The following ENOX1 variants were observed in gnomAD, a reference collection of about 807,000 sequenced individuals.
ENOX1 encodes ecto-NOX disulfide-thiol exchanger 1.
ENOX1 carries 42 observed loss-of-function variants against 82.5 expected under a neutral mutation model. The observed-to-expected ratio is 0.51, with a 90% confidence interval of 0.40 to 0.66. The LOEUF (loss-of-function observed/expected upper bound fraction) is 0.66. ENOX1 is among the 30% of genes least tolerant of loss of function. The pLI, the probability that ENOX1 is intolerant of heterozygous loss-of-function variation, is 0.00. For missense variants in ENOX1, 608 were observed against 811.6 expected (o/e 0.75, Z 3.05); for synonymous variants, 271 against 282.2 (o/e 0.96, Z 0.40).
intron 1 of ENOX1, among the ~76,000 whole-genome samples, chr13:43,769,191 A>G (rs1333414321): frequency 6.6e-6 from 1 of 152,172 alleles, no homozygotes; most frequent in Non-Finnish European, 1.5e-5. Context: ...TGACATATGC[A>G]ACTGTGCCTG....
At chr13:43,315,180 A>T (rs1054971599) in intron 11 of ENOX1, among the ~76,000 whole-genome samples, 1 of 152,192 alleles carries the variant, frequency 6.6e-6, no homozygotes, top group Admixed American at 6.5e-5. Context: ...TTTCTTCTTT[A>T]TTCATTATTC....
At chr13:43,696,501 C>T (rs958759048) in intron 1 of ENOX1, among the ~76,000 whole-genome samples, 1 of 152,166 alleles carries the variant, frequency 6.6e-6, no homozygotes, top group Non-Finnish European at 1.5e-5. Flanking sequence ...ATATTTTACA[C>T]ATAGTGGACA....
chr13:43,480,759 T>C (rs562945666), intron 3 of ENOX1, among the ~76,000 whole-genome samples: 49 of 152,058 alleles, frequency 3.2e-4, no homozygotes, highest in African/African-American at 1.0e-3. Flanking sequence ...ATGAAACAGA[T>C]ACATTTCTAG....
At chr13:43,450,187 A>G (rs2056884194) in intron 3 of ENOX1, among the ~76,000 whole-genome samples, 2 of 152,200 alleles carry the variant, frequency 1.3e-5, no homozygotes, top group South Asian at 2.1e-4. Context: ...GAGGTGGCTT[A>G]GTATCCTCAT....
intron 1 of ENOX1, among the ~76,000 whole-genome samples, chr13:43,742,173 A>G (rs1481499629): frequency 6.6e-6 from 1 of 152,132 alleles, no homozygotes; most frequent in Non-Finnish European, 1.5e-5. Flanking sequence ...AGGAACCAAT[A>G]GATATATAGA....
intron 1 of ENOX1, among the ~76,000 whole-genome samples, chr13:43,730,256 CCT>C (rs1446189158): frequency 6.6e-6 from 1 of 152,176 alleles, no homozygotes; most frequent in Non-Finnish European, 1.5e-5. Flanking sequence ...CTAGGGCTGA[CCT>C]CACACCAGAG....
intron 2 of ENOX1, among the ~76,000 whole-genome samples, chr13:43,595,156 C>CT (rs2081407020): frequency 6.7e-6 from 1 of 148,906 alleles, no homozygotes; most frequent in African/African-American, 2.5e-5. Context: ...TCAGAAGGAG[C>CT]TTAATGTACC....
At chr13:43,696,101 T>C (rs2086628173) in intron 1 of ENOX1, among the ~76,000 whole-genome samples, 1 of 152,240 alleles carries the variant, frequency 6.6e-6, no homozygotes, top group South Asian at 2.1e-4. Context: ...AGTTCATCTA[T>C]GTTGCAACAT....
At chr13:43,640,880 A>G (rs9562502) in intron 2 of ENOX1, among the ~76,000 whole-genome samples, 1 of 125,416 alleles carries the variant, frequency 8.0e-6, no homozygotes, top group African/African-American at 3.0e-5. Context: ...GCACACACAC[A>G]CGCGCACACA....
intron 1 of ENOX1, among the ~76,000 whole-genome samples, chr13:43,692,658 T>A (rs1019044441): frequency 2.6e-5 from 4 of 152,116 alleles, no homozygotes; most frequent in African/African-American, 9.7e-5. Context: ...ACAAATGACA[T>A]GAACAGGCAT....
At chr13:43,303,012 G>T (rs992024223) in intron 11 of ENOX1, among the ~76,000 whole-genome samples, 1 of 152,196 alleles carries the variant, frequency 6.6e-6, no homozygotes, top group African/African-American at 2.4e-5. Context: ...AGAACTCTTA[G>T]TCTTTGTGTG....
chr13:43,686,573 G>C (rs1422832256), intron 1 of ENOX1, among the ~76,000 whole-genome samples: 1 of 152,172 alleles, frequency 6.6e-6, no homozygotes, highest in Non-Finnish European at 1.5e-5. Flanking sequence ...ACAAAGACCA[G>C]GGTTTGTTCT....
At chr13:43,540,409 A>G (rs945013821) in intron 2 of ENOX1, among the ~76,000 whole-genome samples, 8 of 152,210 alleles carry the variant, frequency 5.3e-5, no homozygotes, top group African/African-American at 1.9e-4. Flanking sequence ...TCTCTGATGC[A>G]GGCTCTCGAA....
chr13:43,244,242 T>C (rs1487279900), intron 14 of ENOX1, among the ~76,000 whole-genome samples: 1 of 151,718 alleles, frequency 6.6e-6, no homozygotes, highest in Non-Finnish European at 1.5e-5. Context: ...GAGGACCAAA[T>C]ATAAGTGAGA....
At chr13:43,320,462 T>C (rs1593912573) in intron 11 of ENOX1, among the ~76,000 whole-genome samples, 1 of 152,008 alleles carries the variant, frequency 6.6e-6, no homozygotes, top group Non-Finnish European at 1.5e-5. Flanking sequence ...CCGAGAGAGG[T>C]GTCGGGGGAT....
At chr13:43,615,944 T>C (rs1039402321) in intron 2 of ENOX1, among the ~76,000 whole-genome samples, 1 of 151,506 alleles carries the variant, frequency 6.6e-6, no homozygotes, top group East Asian at 2.0e-4. Context: ...TGTGGCTGCA[T>C]AGTATTCCAG....
In ENOX1 at chr13:43,484,057, G is replaced by T; in HGVS notation, c.-123C>A. ...AGACAAATGTGTTCTCTGGGGACTT[G>T]ATTGAAACCATGTATTCATAAAAGT... On this transcript the variant is annotated 5_prime_UTR_variant, in exon 3 of 17. The change creates a premature stop within an existing upstream ORF in the 5' untranslated region. Transcript: ENST00000690772. 1 of 985,450 alleles carries T rather than the reference G, an allele frequency of 1.0e-6. No individual in the cohort carries two copies. Among genetic ancestry groups the T allele is most frequent in the Non-Finnish European group, 1.2e-6 (1 of 829,886 alleles). 61.0% of individuals were successfully genotyped at this position (985,450 alleles called of 1,614,324 possible).
intron 2 of ENOX1, among the ~76,000 whole-genome samples, chr13:43,642,909 T>A (rs1171892539): frequency 1.3e-5 from 2 of 152,172 alleles, no homozygotes; most frequent in African/African-American, 4.8e-5. Flanking sequence ...CTGAAAGGCA[T>A]GAAATATTAA....
At chr13:43,448,871 G>T (rs919163328) in intron 3 of ENOX1, among the ~76,000 whole-genome samples, 7 of 152,202 alleles carry the variant, frequency 4.6e-5, no homozygotes, top group African/African-American at 1.4e-4. Flanking sequence ...AGTTTAAAAC[G>T]GGTAACATAC....
Sources: allele counts gnomAD v4.1 joint callset (sites outside exome capture counted in the v4.1 genomes callset), GRCh38; gene constraint gnomAD v4.1.1; transcripts MANE v1.5; gene names NCBI Gene and HGNC (gene_info 2026-07-23, HGNC 2026-07-21).